NAV3: variants seen among roughly 807,000 people sequenced by gnomAD.
The protein encoded by NAV3 is pore membrane and/or filament interacting like protein 1.
A neutral mutation model predicts 244.7 loss-of-function variants in NAV3; 87 were observed. The observed-to-expected ratio is 0.36, with a 90% CI of 0.30 to 0.42. The LOEUF (loss-of-function observed/expected upper bound fraction) is 0.42, where lower values mean the gene tolerates loss of function less well. NAV3 is among the 20% of genes least tolerant of loss of function. The pLI is 1.00. For missense variants in NAV3, 2,663 were observed against 2,893.3 expected (o/e 0.92, Z 1.83); for synonymous variants, 1,126 against 1,042.2 (o/e 1.08, Z -1.55).
At chr12:77,576,914 T>C (rs1491043) in intron 2 of NAV3, among the ~76,000 whole-genome samples, 31,704 of 151,900 alleles carry the variant, frequency 0.21, 3,860 homozygotes, top group East Asian at 0.43. Flanking sequence ...GCATGAGGGA[T>C]GATGAGGTTT....
chr12:77,668,840 A>G (rs1565763047), intron 2 of NAV3, among the ~76,000 whole-genome samples: 2 of 152,156 alleles, frequency 1.3e-5, no homozygotes, highest in African/African-American at 4.8e-5. Context: ...GCCTACACAC[A>G]TAGTCATCAG....
intron 2 of NAV3, among the ~76,000 whole-genome samples, chr12:77,716,918 C>G (rs974253417): frequency 6.6e-6 from 1 of 151,986 alleles, no homozygotes. Flanking sequence ...GAGCAGAAAT[C>G]CGATAGGACA....
intron 9 of NAV3, among the ~76,000 whole-genome samples, chr12:78,034,251 C>G (rs922154226): frequency 1.3e-5 from 2 of 152,128 alleles, no homozygotes; most frequent in East Asian, 3.9e-4. Context: ...GTTGTGATAA[C>G]GAAAAATGTT....
intron 18 of NAV3, among the ~76,000 whole-genome samples, chr12:78,133,871 T>C (rs1254218720): frequency 6.6e-6 from 1 of 152,166 alleles, no homozygotes; most frequent in African/African-American, 2.4e-5. Flanking sequence ...TAAAGGCCTC[T>C]AAGATCCATT....
At chr12:78,116,299 G>A (rs568292636) in intron 12 of NAV3, among the ~76,000 whole-genome samples, 20 of 152,272 alleles carry the variant, frequency 1.3e-4, no homozygotes, top group Non-Finnish European at 2.4e-4. Context: ...CATGCAATAA[G>A]ACTCTGTGAA....
chr12:78,009,480 A>G (rs1345637635), intron 8 of NAV3, among the ~76,000 whole-genome samples: 4 of 151,078 alleles, frequency 2.6e-5, no homozygotes, highest in Non-Finnish European at 5.9e-5. Context: ...AAGAGAAAAA[A>G]AGGGCGATAG....
At chr12:78,099,083 C>T (rs1222456582) in intron 12 of NAV3, among the ~76,000 whole-genome samples, 1 of 151,136 alleles carries the variant, frequency 6.6e-6, no homozygotes, top group African/African-American at 2.4e-5. Context: ...CAGTAATTCT[C>T]TTTTTGTATA....
intron 2 of NAV3, among the ~76,000 whole-genome samples, chr12:77,637,635 A>G (rs1282905748): frequency 6.6e-6 from 1 of 152,218 alleles, no homozygotes; most frequent in African/African-American, 2.4e-5. Context: ...CATAAAAATT[A>G]GCTCCTATTT....
At chr12:77,958,536 T>C (rs1173395994) in intron 3 of NAV3, among the ~76,000 whole-genome samples, 1 of 152,154 alleles carries the variant, frequency 6.6e-6, no homozygotes. Context: ...TAACAGTCCA[T>C]TTGAAGAATT....
intron 2 of NAV3, among the ~76,000 whole-genome samples, chr12:77,659,206 C>T (rs1440405953): frequency 6.6e-6 from 1 of 151,400 alleles, no homozygotes; most frequent in East Asian, 1.9e-4. Flanking sequence ...TCGCAACCTA[C>T]TCGTCTGACA....
intron 1 of NAV3, among the ~76,000 whole-genome samples, chr12:77,913,681 T>C (rs765451505): frequency 6.6e-6 from 1 of 152,130 alleles, no homozygotes; most frequent in African/African-American, 2.4e-5. Flanking sequence ...AACTCTGCTA[T>C]ACTATCCTTG....
rs1029070940 is a variant in NAV3 at position 77,667,411 on chromosome 12, T to C, written c.72+95145T>C. Among the ~76,000 whole-genome samples the C allele has an allele frequency of 3.9e-5, 6 of 152,230 alleles. No homozygotes were observed. The East Asian group carries it at 7.8e-4, about 20-fold the overall frequency. ...TAGACTCCATGCTGTTGGTCGGGCA[T>C]GGCGGGAGTAAGACCAGCCTTTATG... is the stretch of plus-strand genomic sequence containing the variant. On this transcript the variant is annotated intron_variant, in intron 2 of 8. Coordinates refer to the NAV3 transcript ENST00000550042.
chr12:78,188,920 T>A (rs1958848891), intron 33 of NAV3, 143 bp downstream of exon 33: 2 of 654,562 alleles, frequency 3.1e-6, no homozygotes, highest in Admixed American at 5.9e-5. Context: ...ATGACTCATT[T>A]CATACCAAAA....
At chr12:77,774,619 G>T (rs1870257308) in intron 2 of NAV3, among the ~76,000 whole-genome samples, 1 of 152,126 alleles carries the variant, frequency 6.6e-6, no homozygotes, top group Non-Finnish European at 1.5e-5. Context: ...TATGTGGCCT[G>T]TGGCATACTG....
chr12:77,754,422 C>G (rs1020216509), intron 2 of NAV3, among the ~76,000 whole-genome samples: 1 of 152,142 alleles, frequency 6.6e-6, no homozygotes, highest in African/African-American at 2.4e-5. Context: ...ATTACCATTT[C>G]CCCACATTGG....
intron 21 of NAV3, 24 bp from the exon 22 acceptor site, chr12:78,148,818 A>T (rs2139224432): frequency 6.3e-7 from 1 of 1,584,998 alleles, no homozygotes; most frequent in Non-Finnish European, 8.6e-7. Context: ...TGCCTATTCC[A>T]TTGATTTTTT....
chr12:78,015,896 T>A, intron 8 of NAV3, among the ~76,000 whole-genome samples: 1 of 152,122 alleles, frequency 6.6e-6, no homozygotes, highest in East Asian at 1.9e-4. Flanking sequence ...TTTCTCCCCA[T>A]GATCTTTCTA....
Position 77,677,352 on chromosome 12 carries a change from C to T in NAV3, c.72+105086C>T, listed in dbSNP as rs531673086. On this transcript the variant is annotated intron_variant, in intron 2 of 8. Coordinates refer to the NAV3 transcript ENST00000550042. ...TTAAATAGATGAAAAAATGGAATGT[C>T]ACACATTCTGTGCCCTGATGGTAGG... 2.1e-4 allele frequency among the ~76,000 whole-genome samples: 32 copies of T among 152,326 alleles called. No individual in the cohort carries two copies. The South Asian group carries it at 6.2e-3, about 30-fold the overall frequency.
chr12:78,045,202 A>G (rs531662302), intron 9 of NAV3, among the ~76,000 whole-genome samples: 3 of 152,128 alleles, frequency 2.0e-5, no homozygotes, highest in Non-Finnish European at 4.4e-5. Flanking sequence ...GGTTTTTGCA[A>G]TTGGTTCTCT....
Sources: allele counts gnomAD v4.1 joint callset (sites outside exome capture counted in the v4.1 genomes callset), GRCh38; gene constraint gnomAD v4.1.1; transcripts MANE v1.5; gene names NCBI Gene and HGNC (gene_info 2026-07-23, HGNC 2026-07-21).